The following CBR1 variants were observed in gnomAD, a reference collection of about 807,000 sequenced individuals.
CBR1 encodes carbonyl reductase [NADPH] 1.
In CBR1, 11 loss-of-function variants were observed where a neutral mutation model predicts 10.6. The ratio of observed to expected loss-of-function variants is 1.03; its 90% CI spans 0.65 to 1.71. The LOEUF (loss-of-function observed/expected upper bound fraction) is 1.71, where lower values mean the gene tolerates loss of function less well. Among genes scored for constraint, CBR1 ranks in the 40% most tolerant of loss-of-function variants. CBR1 has a pLI of 0.00. For synonymous variants in CBR1, 158 were observed against 156.7 expected (o/e 1.01, Z -0.06); for missense variants, 361 against 368.6 (o/e 0.98, Z 0.17).
chr21:36,071,393 T>C, intron 2 of CBR1: 2 of 598,876 alleles, frequency 3.3e-6, no homozygotes, highest in South Asian at 4.1e-5. Context: ...CTTTCTCTGC[T>C]CTTTCAGAGA....
intron 1 of CBR1, 26 bp from the exon 2 acceptor site, chr21:36,070,924 A>G: frequency 6.9e-7 from 1 of 1,446,094 alleles, no homozygotes; most frequent in African/African-American, 1.4e-5. Context: ...CAATGTATTA[A>G]CTATGTTCTC....
At chr21:36,071,401 A>G in intron 2 of CBR1, 1 of 598,012 alleles carries the variant, frequency 1.7e-6, no homozygotes. Context: ...GCTCTTTCAG[A>G]GAGATCTTAT....
intron 2 of CBR1, 93 bp from the exon 3 acceptor site, chr21:36,072,353 A>T (rs1281802317): frequency 6.2e-7 from 1 of 1,608,688 alleles, no homozygotes; most frequent in Non-Finnish European, 8.5e-7. Context: ...TCATATGAAA[A>T]TTTTCTGCTC....
At position 36,070,027 on chromosome 21, in the gene CBR1, C is replaced by G. The variant is rs1169974973; in HGVS notation, c.-89C>G. On this transcript the variant is annotated 5_prime_UTR_variant, in exon 1 of 3. Transcript: ENST00000290349. ...CGGGTGCGCGCCCACGACCGCCAGA[C>G]TCGAGCAGTCTCTGGAACACGCTGC... 3 of 1,379,084 alleles carry G rather than the reference C, an allele frequency of 2.2e-6. No homozygotes were observed. The highest frequency in any genetic ancestry group is 1.7e-5 in the South Asian group (1 of 60,444). 85.4% of individuals were successfully genotyped at this position (1,379,084 alleles called of 1,614,324 possible).
Position 36,072,492 on chromosome 21 carries a change from A to C in CBR1, c.444A>C (p.Lys148Asn). 1 of 1,613,472 alleles carries C rather than the reference A, an allele frequency of 6.2e-7. No individual in the cohort carries two copies. Among genetic ancestry groups the C allele is most frequent in the African/African-American group, 1.3e-5 (1 of 74,990 alleles). The part of the protein sequence containing the change: ...VSSIMSVRAL[K>N]SCSPELQQKF... ...GCATCATGAGCGTCAGAGCCCTTAA[A>C]AGCTGCAGCCCAGAGCTGCAGCAGA... Residue 148 changes from lysine to asparagine, a missense_variant, in exon 3 of 3, where the codon AAA becomes AAC. Lys to Asn is a moderately conservative substitution (Grantham distance 94). Coordinates refer to ENST00000290349, the MANE Select transcript of CBR1 (RefSeq NM_001757.4).
chr21:36,072,159 T>C lies in CBR1; in HGVS notation c.398-287T>C, dbSNP rs2065356316. ...CAGCTTTTATCCTGTTTCCCTGTCC[T>C]GTCGTCCTGTTAAGTTGTGCTACTT... is the stretch of plus-strand genomic sequence containing the variant. On this transcript the variant is annotated intron_variant, in intron 2 of 2. Transcript: ENST00000290349. 5 of 1,547,180 alleles carry C rather than the reference T, an allele frequency of 3.2e-6. No homozygotes were observed. The East Asian group carries it at 9.8e-5, about 30-fold the overall frequency.
At position 36,070,027 on chromosome 21, in the gene CBR1, C is replaced by T. The variant is rs1169974973; in HGVS notation, c.-89C>T. The stretch of plus-strand genomic sequence containing the variant: ...CGGGTGCGCGCCCACGACCGCCAGA[C>T]TCGAGCAGTCTCTGGAACACGCTGC... On this transcript the variant is annotated 5_prime_UTR_variant, in exon 1 of 3. Transcript: ENST00000290349. 6 of 1,379,084 alleles carry T rather than the reference C, an allele frequency of 4.4e-6. No homozygotes were observed. Among genetic ancestry groups the T allele is most frequent in the Admixed American group, 3.3e-5 (1 of 29,934 alleles). The allele number at this position is 1,379,084 out of a possible 1,614,324, so 85.4% of individuals were successfully genotyped here.
chr21:36,072,784 G>A lies in CBR1; in HGVS notation c.736G>A (p.Glu246Lys), dbSNP rs1476785218. 2 of 1,614,114 alleles carry A rather than the reference G, an allele frequency of 1.2e-6. No homozygotes were observed. The highest frequency in any genetic ancestry group is 1.1e-5 in the South Asian group (1 of 91,066). ...AGPKATKSPE[E>K]GAETPVYLAL... The stretch of plus-strand genomic sequence containing the variant: ...ACCCAAGGCCACCAAGAGCCCAGAA[G>A]AAGGTGCAGAGACCCCTGTGTACTT... The change falls in exon 3 of 3, where the codon GAA becomes AAA. Residue 246 changes from glutamate (E) to lysine (K), a missense_variant. Coordinates refer to ENST00000290349, the MANE Select transcript of CBR1 (RefSeq NM_001757.4).
At position 36,072,702 on chromosome 21, in the gene CBR1, G is replaced by T; in HGVS notation, c.654G>T (p.Gly218=). 8 of 1,614,106 alleles carry T rather than the reference G, an allele frequency of 5.0e-6. No individual in the cohort carries two copies. Among genetic ancestry groups the T allele is most frequent in the Non-Finnish European group, 6.8e-6 (8 of 1,180,020 alleles). The part of the protein sequence containing the change: ...HARKLSEQRK[G]DKILLNACCP... ...GGAAACTGAGTGAGCAGAGGAAAGGGGACAAGATCCTCCTGAATGCCTGCT... is the reference window on the plus strand; with the variant it reads ...GGAAACTGAGTGAGCAGAGGAAAGGTGACAAGATCCTCCTGAATGCCTGCT... Residue 218 remains glycine (G), a synonymous_variant, in exon 3 of 3, where the codon GGG becomes GGT. Transcript: ENST00000290349.
chr21:36,070,237 C>T lies in CBR1; in HGVS notation c.122C>T (p.Thr41Met). 1.2e-6 allele frequency: 2 copies of T among 1,610,384 alleles called. No homozygotes were observed. The highest frequency in any genetic ancestry group is 2.2e-5 in the East Asian group (1 of 44,846). Residue 41 changes from threonine to methionine, a missense_variant, in exon 1 of 3, where the codon ACG becomes ATG. By Grantham distance (81) the Thr-to-Met change is moderately conservative. Coordinates refer to ENST00000290349, the MANE Select transcript of CBR1 (RefSeq NM_001757.4). The part of the protein sequence containing the change: ...GDVVLTARDV[T>M]RGQAAVQQLQ... ...GTGGTGCTCACGGCGCGGGACGTGA[C>T]GCGGGGCCAGGCGGCCGTACAGCAG...
chr21:36,070,130 C>T lies in CBR1; in HGVS notation c.15C>T (p.Ile5=). MSSG[I]HVALVTGGNK... is the part of the protein sequence containing the mutation. ...CCCGTTCAGCCATGTCGTCCGGCAT[C>T]CATGTAGCGCTGGTGACTGGAGGCA... Residue 5 remains isoleucine (I), a synonymous_variant, in exon 1 of 3, where the codon ATC becomes ATT. Coordinates refer to ENST00000290349, the MANE Select transcript of CBR1 (RefSeq NM_001757.4). 1.3e-6 allele frequency: 2 copies of T among 1,534,198 alleles called. No individual in the cohort carries two copies. The highest frequency in any genetic ancestry group is 1.8e-6 in the Non-Finnish European group (2 of 1,140,552).
rs760841760 is a variant in CBR1 at position 36,070,261 on chromosome 21, A to G, written c.146A>G (p.Gln49Arg). 8 of 1,611,708 alleles carry G rather than the reference A, an allele frequency of 5.0e-6. No homozygotes were observed. The highest frequency in any genetic ancestry group is 6.8e-6 in the Non-Finnish European group (8 of 1,179,730). Residue 49 changes from glutamine (Q) to arginine (R), a missense_variant, in exon 1 of 3, where the codon CAG becomes CGG. Gln to Arg is a conservative substitution (Grantham distance 43). Coordinates refer to ENST00000290349, the MANE Select transcript of CBR1 (RefSeq NM_001757.4). Reference protein sequence around the residue: ...DVTRGQAAVQQLQAEGLSPRF... With the variant: ...DVTRGQAAVQRLQAEGLSPRF... ...ACGCGGGGCCAGGCGGCCGTACAGC[A>G]GCTGCAGGCGGAGGGCCTGAGCCCG...
chr21:36,070,862 T>TTG lies in CBR1; in HGVS notation c.290-87_290-86insGT. ...AGGCAGAGGGCACTAAGTTTTTTTT[T>TTG]TTTTTTTTTTTTTTTTTTAGTATCA... is the stretch of plus-strand genomic sequence containing the variant. On this transcript the variant is annotated intron_variant, in intron 1 of 2. Transcript: ENST00000290349. The TTG allele has an allele frequency of 6.9e-6, 5 of 725,178 alleles. No individual in the cohort carries two copies. The South Asian group carries it at 8.0e-5, about 12-fold the overall frequency. The allele number at this position is 725,178 out of a possible 1,614,324, so 44.9% of individuals were successfully genotyped here.
chr21:36,070,540 AAGTG>A (rs1684541817), intron 1 of CBR1, 136 bp downstream of exon 1: 4 of 839,320 alleles, frequency 4.8e-6, no homozygotes, highest in Non-Finnish European at 5.2e-6. Context: ...ACCTTGGAGA[AAGTG>A]AGAGTTTTCC....
Position 36,072,570 on chromosome 21 carries a change from G to T in CBR1, c.522G>T (p.Lys174Asn). 1.2e-6 allele frequency: 2 copies of T among 1,602,396 alleles called. No individual in the cohort carries two copies. Among genetic ancestry groups the T allele is most frequent in the South Asian group, 2.2e-5 (2 of 89,660 alleles). ...AGGAGCTGGTGGGGCTCATGAACAA[G>T]TTTGTGGAGGATACAAAGAAGGGAG... ...TEEELVGLMNKFVEDTKKGVH... is the reference protein window; with the variant it reads ...TEEELVGLMNNFVEDTKKGVH... Residue 174 changes from lysine to asparagine, a missense_variant, in exon 3 of 3, where the codon AAG becomes AAT. By Grantham distance (94) the Lys-to-Asn change is moderately conservative (BLOSUM62 0). Transcript: ENST00000290349.
rs778239233 is a variant in CBR1, at chr21:36,071,063, T to C, written c.397+6T>C. On this transcript the variant is annotated splice_donor_region_variant and intron_variant, in intron 2 of 2. Coordinates refer to ENST00000290349, the MANE Select transcript of CBR1 (RefSeq NM_001757.4). ...CCCTCTAATAAAACCCCAAGGTGAG[T>C]CTGATGGGAAACAGCGCACCTTCTC... 2 of 1,574,992 alleles carry C rather than the reference T, an allele frequency of 1.3e-6. No homozygotes were observed. Among genetic ancestry groups the C allele is most frequent in the African/African-American group, 1.4e-5 (1 of 74,062 alleles).
chr21:36,071,275 C>A, intron 2 of CBR1: 1 of 679,722 alleles, frequency 1.5e-6, no homozygotes, highest in South Asian at 1.6e-5. Flanking sequence ...TCGCACTGGT[C>A]TTTGCACACC....
Position 36,070,921 on chromosome 21 carries a change from T to TTAAC in CBR1, c.290-26_290-23dup, listed in dbSNP as rs776655522. 3 of 1,400,948 alleles carry TTAAC rather than the reference T, an allele frequency of 2.1e-6. No individual in the cohort carries two copies. The Admixed American group carries it at 5.0e-5, about 24-fold the overall frequency. The allele number at this position is 1,400,948 out of a possible 1,614,324, so 86.8% of individuals were successfully genotyped here. On this transcript the variant is annotated intron_variant, in intron 1 of 2. Transcript: ENST00000290349. ...AATTTTACCCCATGGGTACAATGTATTAACTATGTTCTCTTTCTCTCCTAA... is the reference window on the plus strand; with the variant it reads ...AATTTTACCCCATGGGTACAATGTATTAACTAACTATGTTCTCTTTCTCTCCTAA...
intron 2 of CBR1, chr21:36,071,812 C>T (rs2065353761): frequency 6.5e-7 from 1 of 1,532,918 alleles, no homozygotes; most frequent in Non-Finnish European, 8.7e-7. Flanking sequence ...TTTCCTTTCC[C>T]AGCATCCTGC....
Sources: gnomAD v4.1 joint callset for allele counts on GRCh38, gnomAD v4.1.1 for gene constraint, MANE v1.5 for transcripts, NCBI Gene and HGNC (gene_info 2026-07-23, HGNC 2026-07-21) for gene names.